CANX: variants seen among roughly 807,000 people sequenced by gnomAD.
CANX encodes epididymis secretory sperm binding protein.
A neutral mutation model predicts 75.7 loss-of-function variants in CANX; 14 were observed. That is an observed-to-expected ratio of 0.19 (90% CI 0.12 to 0.29). The LOEUF is 0.29. Ranked by LOEUF, CANX falls within the 10% of genes least tolerant of loss-of-function variation. CANX has a pLI of 1.00. For synonymous variants in CANX, 227 were observed against 236.9 expected, an observed-to-expected ratio of 0.96 and a Z score of 0.38; for missense variants, 567 against 713.2, an observed-to-expected ratio of 0.79 and a Z score of 2.34.
chr5:179,692,232 G>A (rs1440665226), intron 1 of CANX, among the ~76,000 whole-genome samples: 1 of 151,900 alleles, frequency 6.6e-6, no homozygotes, highest in African/African-American at 2.4e-5. Flanking sequence ...GCACCACCAT[G>A]CCCGGCTAAT....
chr5:179,707,645 ATTT>A (rs775542894), intron 4 of CANX, among the ~76,000 whole-genome samples: 16 of 103,644 alleles, frequency 1.5e-4, no homozygotes, highest in Admixed American at 3.5e-4. Flanking sequence ...GTGTTGCCTA[ATTT>A]TTTTTTTTTT....
At chr5:179,698,548 C>T (rs974596398), upstream of CANX, 1 of 1,289,426 alleles carries the variant, frequency 7.8e-7, no homozygotes, top group Non-Finnish European at 1.0e-6. Flanking sequence ...TGCCGTTTGC[C>T]CCGTCAGCGA....
intron 1 of CANX, among the ~76,000 whole-genome samples, chr5:179,703,017 C>T (rs1776872516): frequency 6.6e-6 from 1 of 152,188 alleles, no homozygotes; most frequent in Non-Finnish European, 1.5e-5. Context: ...GATCCACCTG[C>T]CTCGGCCTCC....
intron 8 of CANX, among the ~76,000 whole-genome samples, chr5:179,718,061 G>T (rs1188656692): frequency 6.6e-6 from 1 of 152,148 alleles, no homozygotes; most frequent in Non-Finnish European, 1.5e-5. Context: ...TGGGAGTACA[G>T]TGGTACGGTC....
intron 7 of CANX, chr5:179,715,785 C>T (rs1214152510): frequency 5.5e-6 from 2 of 366,722 alleles, no homozygotes; most frequent in Non-Finnish European, 5.1e-6. Context: ...TGTGTAAGCC[C>T]AATAATTGTG....
In CANX at chr5:179,685,981, G is replaced by A. The variant is rs986470273; in HGVS notation, c.-4+7204G>A. On this transcript the variant is annotated intron_variant, in intron 1 of 14. Transcript: ENST00000681674. ...GCTGGGATTACAGGCGTGAGTCATC[G>A]TGCCCAGCCTCATCCTTAATAAATT... is the stretch of plus-strand genomic sequence containing the variant. Among the ~76,000 whole-genome samples the A allele has an allele frequency of 5.3e-5, 8 of 150,944 alleles. No individual in the cohort carries two copies. In the South Asian group the frequency reaches 6.3e-4, roughly 12 times the overall value.
At chr5:179,678,949 G>A in intron 1 of CANX, 9 of 1,535,288 alleles carry the variant, frequency 5.9e-6, no homozygotes, top group Non-Finnish European at 7.9e-6. Context: ...TGCACGGCGC[G>A]CCGTAGGCGA....
chr5:179,716,060 C>T (rs776232600), intron 7 of CANX, 45 bp from the exon 8 acceptor site: 1 of 1,350,116 alleles, frequency 7.4e-7, no homozygotes, highest in South Asian at 1.2e-5. Context: ...GTAAAGGGAG[C>T]TTGGAAAATT....
chr5:179,694,695 C>A, upstream of CANX: 1 of 712,316 alleles, frequency 1.4e-6, no homozygotes, highest in Non-Finnish European at 2.6e-6. Flanking sequence ...CTCAAAGCGT[C>A]CTGCTAAAGT....
At chr5:179,703,990 AAG>A (rs1776946279) in intron 1 of CANX, among the ~76,000 whole-genome samples, 5 of 152,096 alleles carry the variant, frequency 3.3e-5, no homozygotes, top group Admixed American at 6.6e-5. Context: ...GTGAGGAGAA[AAG>A]GACATCTTGT....
chr5:179,719,748 T>C lies in CANX; in HGVS notation c.992T>C (p.Val331Ala), dbSNP rs1390890761. ...TGGTTAGATGATGAGCCTGAGTACG[T>C]ACCTGATCCAGACGCAGAGAAACCT... ...EGWLDDEPEY[V>A]PDPDAEKPED... The change falls in exon 9 of 15, where the codon GTA becomes GCA. Residue 331 changes from valine to alanine, a missense_variant. Val to Ala is a moderately conservative substitution (Grantham distance 64). Coordinates refer to ENST00000247461, the MANE Select transcript of CANX (RefSeq NM_001746.4). 6.2e-7 allele frequency: 1 copy of C among 1,610,860 alleles called. No homozygotes were observed. Among genetic ancestry groups the C allele is most frequent in the East Asian group, 2.2e-5 (1 of 44,870 alleles).
Position 179,717,904 on chromosome 5 carries a change from C to T in CANX, c.911+1610C>T, listed in dbSNP as rs146964961. 1.5e-3 allele frequency among the ~76,000 whole-genome samples: 233 copies of T among 151,802 alleles called. 2 individuals are homozygous for T. The highest frequency in any genetic ancestry group is 5.5e-3 in the African/African-American group (227 of 41,412). ...CTAATTTTTGTATTTTTAGTAGACA[C>T]GGGGTTTTACCATGTTGGTCAGGCT... On this transcript the variant is annotated intron_variant, in intron 8 of 14. Coordinates refer to ENST00000247461, the MANE Select transcript of CANX (RefSeq NM_001746.4).
At chr5:179,681,886 T>G (rs1776072260) in intron 1 of CANX, among the ~76,000 whole-genome samples, 1 of 148,614 alleles carries the variant, frequency 6.7e-6, no homozygotes, top group East Asian at 2.0e-4. Flanking sequence ...AGGTGAAAGC[T>G]GCAGTGAGCA....
intron 1 of CANX, among the ~76,000 whole-genome samples, chr5:179,685,093 A>G (rs1200827918): frequency 1.4e-5 from 2 of 146,414 alleles, no homozygotes; most frequent in Admixed American, 6.9e-5. Context: ...AAATCTATCT[A>G]TTTATTTACT....
At chr5:179,682,594 T>C (rs949718442) in intron 1 of CANX, among the ~76,000 whole-genome samples, 5 of 148,866 alleles carry the variant, frequency 3.4e-5, no homozygotes, top group African/African-American at 1.2e-4. Context: ...CCTGTAATCC[T>C]AGCTACTTGG....
In CANX at chr5:179,720,531, C is replaced by A. The variant is rs1431514907; in HGVS notation, c.1153C>A (p.Pro385Thr). The change falls in exon 10 of 15, where the codon CCT (proline) becomes ACT (threonine). Residue 385 changes from proline to threonine, a missense_variant. Coordinates refer to ENST00000247461, the MANE Select transcript of CANX (RefSeq NM_001746.4). ...CCCCAATTATAAAGGCAAATGGAAG[C>A]CTCCTATGATTGACAATCCCAGTTA... Reference protein sequence around the residue: ...DNPNYKGKWKPPMIDNPSYQG... With the variant: ...DNPNYKGKWKTPMIDNPSYQG... The A allele has an allele frequency of 1.9e-6, 3 of 1,614,024 alleles. No individual in the cohort carries two copies.
chr5:179,691,214 G>A (rs1031810440), intron 1 of CANX, among the ~76,000 whole-genome samples: 1 of 151,868 alleles, frequency 6.6e-6, no homozygotes, highest in Admixed American at 6.6e-5. Flanking sequence ...TGGTAGAGAT[G>A]GGGTTTCGCC....
chr5:179,714,321 T>C (rs991304342), intron 7 of CANX, among the ~76,000 whole-genome samples: 80 of 151,972 alleles, frequency 5.3e-4, no homozygotes, highest in African/African-American at 1.9e-3. Flanking sequence ...ATTTGGTCAT[T>C]ACACATTATA....
chr5:179,711,840 G>A (rs1272315147), intron 7 of CANX, among the ~76,000 whole-genome samples: 8 of 146,230 alleles, frequency 5.5e-5, no homozygotes, highest in African/African-American at 1.8e-4. Flanking sequence ...GCTCATGCCT[G>A]TAATCCCAGC....
Sources: allele counts gnomAD v4.1 joint callset (sites outside exome capture counted in the v4.1 genomes callset), GRCh38; gene constraint gnomAD v4.1.1; transcripts MANE v1.5; gene names NCBI Gene and HGNC (gene_info 2026-07-23, HGNC 2026-07-21).